The following MEIS2 variants were observed in gnomAD, a reference collection of about 807,000 sequenced individuals.
The protein encoded by MEIS2 is Meis homeobox 2.
Under a neutral mutation model 58.6 loss-of-function variants are expected in MEIS2, and 9 were observed. The observed-to-expected ratio is 0.15, with a 90% confidence interval of 0.09 to 0.27. The LOEUF is 0.27. Among genes scored for constraint, MEIS2 ranks in the 10% least tolerant of loss-of-function variants. The pLI is 1.00. For missense variants in MEIS2, 427 were observed against 635.0 expected (o/e 0.67, Z 3.52); for synonymous variants, 221 against 228.4 (o/e 0.97, Z 0.29).
chr15:36,962,220 CAGA>C (rs1567112669), intron 8 of MEIS2, among the ~76,000 whole-genome samples: 1 of 152,174 alleles, frequency 6.6e-6, no homozygotes, highest in Non-Finnish European at 1.5e-5. Flanking sequence ...GTGGCTTTCG[CAGA>C]AGAACTTAAG....
chr15:37,092,856 C>T (rs974003255), intron 6 of MEIS2, among the ~76,000 whole-genome samples: 1 of 151,402 alleles, frequency 6.6e-6, no homozygotes, highest in African/African-American at 2.4e-5. Flanking sequence ...CTATACTCTC[C>T]ATCCTCATTC....
intron 7 of MEIS2, among the ~76,000 whole-genome samples, chr15:37,082,216 ATG>A (rs1172821484): frequency 6.6e-6 from 1 of 152,186 alleles, no homozygotes; most frequent in Non-Finnish European, 1.5e-5. Flanking sequence ...AATTGCAAGA[ATG>A]TGAAAAATGA....
chr15:37,036,251 T>C (rs1224853145), intron 8 of MEIS2: 1 of 152,218 alleles, frequency 6.6e-6, no homozygotes, highest in Admixed American at 6.5e-5. Flanking sequence ...ATCTTTAATG[T>C]CCACCTTGCA....
At chr15:37,093,846 T>C (rs1248943374) in intron 5 of MEIS2, 116 bp from the exon 6 acceptor site, 1 of 1,322,030 alleles carries the variant, frequency 7.6e-7, no homozygotes, top group Non-Finnish European at 1.1e-6. Flanking sequence ...AGAGCAACAG[T>C]GTGATGTCTT....
intron 9 of MEIS2, among the ~76,000 whole-genome samples, chr15:36,933,804 G>A (rs2058067818): frequency 6.6e-6 from 1 of 152,096 alleles, no homozygotes; most frequent in African/African-American, 2.4e-5. Context: ...TTACTTCTCT[G>A]TACAGAAGAG....
intron 8 of MEIS2, among the ~76,000 whole-genome samples, chr15:36,982,737 C>A (rs1595865787): frequency 6.6e-6 from 1 of 152,264 alleles, no homozygotes; most frequent in East Asian, 1.9e-4. Flanking sequence ...ATACTATTTT[C>A]CATAATGGCT....
At chr15:37,096,644 T>G (rs752885527) in intron 2 of MEIS2, 1 of 464,234 alleles carries the variant, frequency 2.2e-6, no homozygotes, top group African/African-American at 2.0e-5. Context: ...CAGAGGTCCC[T>G]CAGATCTGGC....
intron 3 of MEIS2, 46 bp from the exon 4 acceptor site, chr15:37,095,660 T>C: frequency 6.2e-7 from 1 of 1,613,894 alleles, no homozygotes; most frequent in Non-Finnish European, 8.5e-7. Context: ...CCATTTAAAA[T>C]AAGAAAGCTG....
intron 9 of MEIS2, among the ~76,000 whole-genome samples, chr15:36,903,712 C>A (rs756378117): frequency 1.3e-5 from 2 of 152,222 alleles, no homozygotes; most frequent in Non-Finnish European, 2.9e-5. Context: ...CAATCAGTTG[C>A]ACACATTCTT....
intron 7 of MEIS2, among the ~76,000 whole-genome samples, chr15:37,052,563 T>C (rs145340091): frequency 6.6e-6 from 1 of 152,332 alleles, no homozygotes; most frequent in African/African-American, 2.4e-5. Context: ...CAATGCCTTA[T>C]GGCTTTGAAC....
chr15:36,984,625 C>T (rs967535366), intron 8 of MEIS2, among the ~76,000 whole-genome samples: 1 of 152,082 alleles, frequency 6.6e-6, no homozygotes, highest in Non-Finnish European at 1.5e-5. Flanking sequence ...GGAAGTGTTC[C>T]CTTCTCTTCC....
intron 6 of MEIS2, among the ~76,000 whole-genome samples, chr15:37,090,325 G>A (rs923248057): frequency 4.6e-5 from 7 of 151,810 alleles, no homozygotes; most frequent in Non-Finnish European, 8.8e-5. Flanking sequence ...CCCATCATAT[G>A]TAAGTGTTAA....
intron 8 of MEIS2, among the ~76,000 whole-genome samples, chr15:36,957,558 T>TCA (rs1213536849): frequency 1.3e-5 from 2 of 152,180 alleles, no homozygotes; most frequent in Non-Finnish European, 2.9e-5. Flanking sequence ...CCAGAAGTAG[T>TCA]CACTCCCCAC....
intron 7 of MEIS2, among the ~76,000 whole-genome samples, chr15:37,043,381 T>C (rs2062514890): frequency 6.6e-6 from 1 of 152,164 alleles, no homozygotes; most frequent in Admixed American, 6.5e-5. Context: ...TACACAAACA[T>C]AGGTAGACAG....
intron 7 of MEIS2, among the ~76,000 whole-genome samples, chr15:37,081,636 GA>G (rs1892218715): frequency 6.6e-6 from 1 of 152,242 alleles, no homozygotes; most frequent in African/African-American, 2.4e-5. Context: ...AGCCAGGTAG[GA>G]AATTTTCTAT....
At chr15:37,101,101 G>GCCC (rs1895067438), upstream of MEIS2, 1 of 152,006 alleles carries the variant, frequency 6.6e-6, no homozygotes, top group Non-Finnish European at 1.5e-5. Flanking sequence ...TTTTTATTAA[G>GCCC]TGGCACTTTC....
At chr15:36,933,103 G>A (rs551249174) in intron 9 of MEIS2, among the ~76,000 whole-genome samples, 2 of 152,194 alleles carry the variant, frequency 1.3e-5, no homozygotes, top group East Asian at 1.9e-4. Context: ...TGAGAGGGGC[G>A]GGATAGTCTG....
intron 10 of MEIS2, among the ~76,000 whole-genome samples, chr15:36,895,580 T>C (rs1366997852): frequency 6.6e-6 from 1 of 152,176 alleles, no homozygotes; most frequent in Non-Finnish European, 1.5e-5. Flanking sequence ...AATATTGCAA[T>C]GTACCATTTG....
At chr15:36,983,720 T>C (rs1442167695) in intron 8 of MEIS2, among the ~76,000 whole-genome samples, 1 of 152,118 alleles carries the variant, frequency 6.6e-6, no homozygotes, top group Non-Finnish European at 1.5e-5. Context: ...AATGAATCCA[T>C]GGATTGCTTT....
Sources: allele counts gnomAD v4.1 joint callset (sites outside exome capture counted in the v4.1 genomes callset), GRCh38; gene constraint gnomAD v4.1.1; transcripts MANE v1.5; gene names NCBI Gene and HGNC (gene_info 2026-07-23, HGNC 2026-07-21).